Variants in YEATS2 observed in about 807,000 individuals in gnomAD.
YEATS2 encodes the protein YEATS domain containing 2.
YEATS2 carries 77 observed loss-of-function variants against 163.2 expected under a neutral mutation model. The observed-to-expected ratio is 0.47, with a 90% CI of 0.39 to 0.57. YEATS2 has a LOEUF of 0.57. Among genes scored for constraint, YEATS2 ranks in the 20% least tolerant of loss-of-function variants. The pLI is 0.00. For missense variants in YEATS2, 1,549 were observed against 1,729.8 expected (o/e 0.90, Z 1.85); for synonymous variants, 631 against 645.1 (o/e 0.98, Z 0.33).
At chr3:183,737,884 G>GATT (rs1718513000) in intron 8 of YEATS2, among the ~76,000 whole-genome samples, 2 of 152,232 alleles carry the variant, frequency 1.3e-5, no homozygotes, top group East Asian at 3.9e-4. Flanking sequence ...AAAAATTGAA[G>GATT]ATTTGTGGCA....
At chr3:183,765,503 A>G (rs1321523475) in intron 15 of YEATS2, among the ~76,000 whole-genome samples, 7 of 152,190 alleles carry the variant, frequency 4.6e-5, no homozygotes, top group African/African-American at 1.7e-4. Context: ...AACCACAGCA[A>G]AGTGTGAAGG....
At chr3:183,743,199 G>C (rs948175286) in intron 8 of YEATS2, among the ~76,000 whole-genome samples, 1 of 152,224 alleles carries the variant, frequency 6.6e-6, no homozygotes, top group South Asian at 2.1e-4. Flanking sequence ...AGTCAACCAC[G>C]ATCTTTGAAA....
At chr3:183,767,371 C>T (rs1163596456) in intron 15 of YEATS2, among the ~76,000 whole-genome samples, 2 of 147,414 alleles carry the variant, frequency 1.4e-5, no homozygotes, top group Non-Finnish European at 3.0e-5. Context: ...AGGCCCACAC[C>T]ACCACGCCCA....
At chr3:183,754,459 A>G in intron 11 of YEATS2, 94 bp downstream of exon 11, 1 of 1,475,258 alleles carries the variant, frequency 6.8e-7, no homozygotes, top group Non-Finnish European at 9.0e-7. Context: ...TTTTTCTCTT[A>G]AGTTCTTCTA....
At chr3:183,728,939 C>G in intron 7 of YEATS2, 88 bp downstream of exon 7, 1 of 1,374,284 alleles carries the variant, frequency 7.3e-7, no homozygotes, top group South Asian at 1.4e-5. Context: ...AAAACATTTC[C>G]TGGAAATGCA....
In YEATS2 at chr3:183,807,272, CA is replaced by C. The variant is rs968093648; in HGVS notation, c.4011+181del. On this transcript the variant is annotated intron_variant, in intron 28 of 30. Transcript: ENST00000305135. ...TGCCTGGTTGACCCAGGTGTGCTCT[CA>C]GGGCTCCCACCGTCCCACATCAGAG... The C allele has an allele frequency of 1.4e-4, 84 of 604,080 alleles. 1 individual carries two copies. The Admixed American group carries it at 2.5e-3, about 18-fold the overall frequency. 37.4% of individuals were successfully genotyped at this position (604,080 alleles called of 1,614,324 possible). A position where few individuals can be genotyped will look rare whatever the true frequency, so the allele number is the denominator to read the frequency against.
chr3:183,765,844 G>A (rs1721850519), intron 15 of YEATS2, among the ~76,000 whole-genome samples: 1 of 152,048 alleles, frequency 6.6e-6, no homozygotes, highest in Non-Finnish European at 1.5e-5. Flanking sequence ...CTACTTGGGA[G>A]GCTGAGGCAG....
At position 183,781,735 on chromosome 3, in the gene YEATS2, G is replaced by A. The variant is rs114874601; in HGVS notation, c.2736+4035G>A. ...CAGCCTGGCGACAGAACAAGACTCC[G>A]TCTCAAAAAAAAAGAAACTACCTGG... On this transcript the variant is annotated intron_variant, in intron 19 of 30. Coordinates refer to ENST00000305135, the MANE Select transcript of YEATS2 (RefSeq NM_018023.5). Among the ~76,000 whole-genome samples the A allele has an allele frequency of 4.7e-3, 712 of 151,598 alleles. 7 individuals are homozygous for A. The highest frequency in any genetic ancestry group is 0.016 in the African/African-American group (673 of 41,326).
intron 26 of YEATS2, chr3:183,803,547 A>C (rs774934691): frequency 5.0e-6 from 3 of 595,046 alleles, no homozygotes; most frequent in East Asian, 2.9e-5. Flanking sequence ...ACAGTTTCTA[A>C]ATTTTTTTCT....
At chr3:183,764,478 A>G (rs1215166990) in intron 15 of YEATS2, among the ~76,000 whole-genome samples, 1 of 152,132 alleles carries the variant, frequency 6.6e-6, no homozygotes, top group Non-Finnish European at 1.5e-5. Flanking sequence ...CAAAATCGAA[A>G]AAGATTTTAG....
At chr3:183,757,867 G>T (rs547816166) in intron 12 of YEATS2, among the ~76,000 whole-genome samples, 1 of 151,472 alleles carries the variant, frequency 6.6e-6, no homozygotes, top group African/African-American at 2.4e-5. Context: ...AGTACCTTTC[G>T]AACATACTTA....
At chr3:183,725,879 G>T (rs1351925901) in intron 6 of YEATS2, among the ~76,000 whole-genome samples, 1 of 152,152 alleles carries the variant, frequency 6.6e-6, no homozygotes, top group East Asian at 1.9e-4. Context: ...AGTGTGATGG[G>T]TTCCTTTGAC....
At chr3:183,762,011 G>A in intron 14 of YEATS2, 86 bp from the exon 15 acceptor site, 3 of 1,563,140 alleles carry the variant, frequency 1.9e-6, no homozygotes, top group South Asian at 2.2e-5. Flanking sequence ...ATTAATCCCT[G>A]CAAACGGAGA....
At chr3:183,736,684 A>G (rs192384616) in intron 7 of YEATS2, 34 bp from the exon 8 acceptor site, 24 of 1,558,910 alleles carry the variant, frequency 1.5e-5, no homozygotes, top group African/African-American at 1.5e-4. Context: ...GAGAGTGAAC[A>G]TGGATGAACG....
intron 18 of YEATS2, among the ~76,000 whole-genome samples, 193 bp downstream of exon 18, chr3:183,776,316 G>A (rs1353149816): frequency 1.3e-5 from 2 of 152,108 alleles, no homozygotes; most frequent in African/African-American, 2.4e-5. Flanking sequence ...GGCCAAGGTG[G>A]GTGGATCGCT....
At position 183,780,018 on chromosome 3, in the gene YEATS2, T is replaced by A. The variant is rs866667804; in HGVS notation, c.2736+2318T>A. On this transcript the variant is annotated intron_variant, in intron 19 of 30. Coordinates refer to ENST00000305135, the MANE Select transcript of YEATS2 (RefSeq NM_018023.5). ...GCCTTTACTTTTTTTTTTTTTTTTT[T>A]TAATTTTTTATCTTTCTGACTCAAG... Among the ~76,000 whole-genome samples, 20 of 150,358 alleles carry A rather than the reference T, an allele frequency of 1.3e-4. No individual in the cohort carries two copies. The East Asian group carries it at 1.9e-3, about 15-fold the overall frequency.
chr3:183,711,190 G>C (rs753855634), intron 1 of YEATS2, among the ~76,000 whole-genome samples: 2 of 152,124 alleles, frequency 1.3e-5, no homozygotes, highest in African/African-American at 4.8e-5. Context: ...GCTTTAAACA[G>C]CTGGGCGCAG....
At position 183,810,271 on chromosome 3, in the gene YEATS2, T is replaced by C. The variant is rs1726664388; in HGVS notation, c.4161-204T>C. 9.7e-6 allele frequency: 5 copies of C among 513,046 alleles called. No homozygotes were observed. In the South Asian group the frequency reaches 1.0e-4, roughly 10 times the overall value. The allele number at this position is 513,046 out of a possible 1,614,324, so 31.8% of individuals were successfully genotyped here. On this transcript the variant is annotated intron_variant, in intron 30 of 30. Coordinates refer to ENST00000305135, the MANE Select transcript of YEATS2 (RefSeq NM_018023.5). ...TCTCAGAATCTTTTTTCCTAATTAT[T>C]CAACCAACTTGTTGACATCCTTCTC... is the stretch of plus-strand genomic sequence containing the variant.
chr3:183,799,780 C>T (rs963484277), intron 23 of YEATS2, among the ~76,000 whole-genome samples: 1 of 150,050 alleles, frequency 6.7e-6, no homozygotes, highest in Non-Finnish European at 1.5e-5. Flanking sequence ...AGTATTAGAA[C>T]GTAGAACAAA....
Sources: allele counts gnomAD v4.1 joint callset (sites outside exome capture counted in the v4.1 genomes callset), GRCh38; gene constraint gnomAD v4.1.1; transcripts MANE v1.5; gene names NCBI Gene and HGNC (gene_info 2026-07-23, HGNC 2026-07-21).